Variants in CCDC85C observed in about 807,000 individuals in gnomAD.
The protein encoded by CCDC85C is coiled-coil domain-containing protein 85C.
In CCDC85C, 18 loss-of-function variants were observed where a neutral mutation model predicts 38.3. The observed-to-expected ratio is 0.47, with a 90% CI of 0.33 to 0.70. The LOEUF (loss-of-function observed/expected upper bound fraction) is 0.70, where lower values mean the gene tolerates loss of function less well. Ranked by LOEUF, CCDC85C falls within the 30% of genes least tolerant of loss-of-function variation. The pLI is 0.03. For synonymous variants in CCDC85C, 264 were observed against 293.8 expected, an observed-to-expected ratio of 0.90 and a Z score of 1.04; for missense variants, 566 against 621.2, an observed-to-expected ratio of 0.91 and a Z score of 0.94.
At position 99,572,360 on chromosome 14, in the gene CCDC85C, C is replaced by A. The variant is rs949284545; in HGVS notation, c.793+30807G>T. The stretch of plus-strand genomic sequence containing the variant: ...AAGCTGTGGCATGTGGCCTTCCTCA[C>A]GGGACACTGCGGGCGCTGCGGGCTA... On this transcript the variant is annotated intron_variant, in intron 1 of 5. Coordinates refer to ENST00000380243, the MANE Select transcript of CCDC85C (RefSeq NM_001144995.2). This position sits in a 1 kb window ranked among gnomAD's most constrained non-coding sequence, Gnocchi z 4.4. 6.6e-6 allele frequency among the ~76,000 whole-genome samples: 1 copy of A among 152,192 alleles called. No homozygotes were observed. Among genetic ancestry groups the A allele is most frequent in the Admixed American group, 6.5e-5 (1 of 15,274 alleles).
At chr14:99,594,025 T>TGGGGGCG (rs2055117337) in intron 1 of CCDC85C, among the ~76,000 whole-genome samples, 2 of 26,628 alleles carry the variant, frequency 7.5e-5, no homozygotes, top group Non-Finnish European at 5.5e-4. Context: ...TTGCTGGGGG[T>TGGGGGCG]GGGGGCGGGG....
chr14:99,546,669 A>C (rs1038782657), intron 1 of CCDC85C, among the ~76,000 whole-genome samples: 2 of 152,158 alleles, frequency 1.3e-5, no homozygotes, highest in African/African-American at 4.8e-5. Context: ...GAAAGATAAC[A>C]TAGCCACGTG....
rs775308532 is a variant in CCDC85C, at chr14:99,502,804, A to G, written c.*12442T>C. The G allele has an allele frequency of 3.1e-6, 5 of 1,613,448 alleles. No individual in the cohort carries two copies. Among genetic ancestry groups the G allele is most frequent in the East Asian group, 2.2e-5 (1 of 44,876 alleles). On this transcript the variant is annotated 3_prime_UTR_variant, in exon 6 of 6. Transcript: ENST00000380243. ...CCCCCCATCAGCTGCAACAGCCCCC[A>G]TCTCTTCAGCCTACACCACAAGTGC...
At chr14:99,587,657 G>C (rs1348186618) in intron 1 of CCDC85C, among the ~76,000 whole-genome samples, 1 of 152,162 alleles carries the variant, frequency 6.6e-6, no homozygotes, top group Non-Finnish European at 1.5e-5. Context: ...CCTGGCGTGG[G>C]GGAGAGGCCT....
intron 1 of CCDC85C, among the ~76,000 whole-genome samples, chr14:99,561,039 C>G (rs941565): frequency 1.9e-4 from 29 of 152,046 alleles, no homozygotes; most frequent in Non-Finnish European, 4.3e-4. Flanking sequence ...CAGGGCAGGG[C>G]TGCATTTGCA....
Position 99,510,063 on chromosome 14 carries a change from C to A in CCDC85C, c.*5183G>T. 7.7e-7 allele frequency: 1 copy of A among 1,296,404 alleles called. No individual in the cohort carries two copies. Among genetic ancestry groups the A allele is most frequent in the Non-Finnish European group, 1.0e-6 (1 of 958,962 alleles). The allele number at this position is 1,296,404 out of a possible 1,614,324, so 80.3% of individuals were successfully genotyped here. On this transcript the variant is annotated 3_prime_UTR_variant, in exon 6 of 6. Coordinates refer to ENST00000380243, the MANE Select transcript of CCDC85C (RefSeq NM_001144995.2). ...AGAGGAGGCGGGCAGCTGCTCCCTG[C>A]TCCTCTGTAAAGATGGCCCTGAAGG...
intron 1 of CCDC85C, among the ~76,000 whole-genome samples, chr14:99,578,945 C>T (rs1299598951): frequency 6.6e-6 from 1 of 152,228 alleles, no homozygotes; most frequent in East Asian, 1.9e-4. Flanking sequence ...TGCCCCACCT[C>T]CATCCACAAG....
At position 99,569,997 on chromosome 14, in the gene CCDC85C, G is replaced by A. The variant is rs1026932065; in HGVS notation, c.793+33170C>T. 3.9e-5 allele frequency among the ~76,000 whole-genome samples: 6 copies of A among 151,908 alleles called. No homozygotes were observed. Among genetic ancestry groups the A allele is most frequent in the Non-Finnish European group, 5.9e-5 (4 of 67,952 alleles). On this transcript the variant is annotated intron_variant, in intron 1 of 5. Transcript: ENST00000380243. This position sits in a 1 kb window ranked among gnomAD's most constrained non-coding sequence, Gnocchi z 4.3. Reference sequence around the variant, plus strand: ...GAAAGAGCCTGAGCTCAGGCCCAGCGTTACCCTGAGTGGTTCACAGGTAGG... The same window carrying A: ...GAAAGAGCCTGAGCTCAGGCCCAGCATTACCCTGAGTGGTTCACAGGTAGG...
intron 3 of CCDC85C, among the ~76,000 whole-genome samples, chr14:99,521,458 G>C (rs377278826): frequency 6.6e-6 from 1 of 152,156 alleles, no homozygotes; most frequent in Non-Finnish European, 1.5e-5. Flanking sequence ...TGCTACAAGC[G>C]CACGTGCTGC....
intron 2 of CCDC85C, among the ~76,000 whole-genome samples, chr14:99,527,901 C>A (rs1216775838): frequency 6.6e-6 from 1 of 152,188 alleles, no homozygotes; most frequent in Non-Finnish European, 1.5e-5. Flanking sequence ...GGCGGGAGGA[C>A]CCCGGGCACC....
chr14:99,566,165 A>G (rs1404431431), intron 1 of CCDC85C, among the ~76,000 whole-genome samples: 1 of 152,218 alleles, frequency 6.6e-6, no homozygotes, highest in African/African-American at 2.4e-5. Flanking sequence ...ATGCTACTTG[A>G]AAAGGAAACT....
intron 3 of CCDC85C, among the ~76,000 whole-genome samples, chr14:99,519,319 G>C (rs1271429079): frequency 7.4e-6 from 1 of 135,272 alleles, no homozygotes. Flanking sequence ...GTTTCATCAT[G>C]TTGCCCAGGC....
At chr14:99,595,436 G>A (rs1403055681) in intron 1 of CCDC85C, among the ~76,000 whole-genome samples, 1 of 152,120 alleles carries the variant, frequency 6.6e-6, no homozygotes, top group Admixed American at 6.5e-5. Flanking sequence ...TAGTAGAGAT[G>A]GGGTTTCACT....
At chr14:99,539,726 A>G (rs1444134180) in intron 1 of CCDC85C, among the ~76,000 whole-genome samples, 1 of 152,258 alleles carries the variant, frequency 6.6e-6, no homozygotes, top group East Asian at 1.9e-4. Flanking sequence ...TCAGGAAGGA[A>G]GTCCACAGAA....
At chr14:99,551,694 T>C (rs1288797321) in intron 1 of CCDC85C, among the ~76,000 whole-genome samples, 1 of 143,178 alleles carries the variant, frequency 7.0e-6, no homozygotes, top group African/African-American at 2.6e-5. Context: ...GAGAGGTGAG[T>C]GTGCAGGTGG....
At chr14:99,561,639 C>A (rs1898119169) in intron 1 of CCDC85C, among the ~76,000 whole-genome samples, 1 of 152,186 alleles carries the variant, frequency 6.6e-6, no homozygotes, top group African/African-American at 2.4e-5. Context: ...GCAGACCCTC[C>A]ATTTCTCAGT....
intron 1 of CCDC85C, among the ~76,000 whole-genome samples, chr14:99,590,363 G>A (rs1012791866): frequency 6.6e-6 from 1 of 152,212 alleles, no homozygotes; most frequent in African/African-American, 2.4e-5. Context: ...AGCTGGAGCA[G>A]GCAGAGGCAT....
At chr14:99,591,048 G>A (rs765312162) in intron 1 of CCDC85C, among the ~76,000 whole-genome samples, 9 of 152,206 alleles carry the variant, frequency 5.9e-5, no homozygotes, top group Non-Finnish European at 1.2e-4. Context: ...GCAGCACAGA[G>A]GACAGGAGGG....
At position 99,603,749 on chromosome 14, in the gene CCDC85C, T is replaced by G; in HGVS notation, c.211A>C (p.Lys71Gln). The change falls in exon 1 of 6, where the codon AAG (lysine) becomes CAG (glutamine). Residue 71 changes from lysine (K) to glutamine (Q), a missense_variant. Lys to Gln is a moderately conservative substitution (Grantham distance 53). This residue lies in a region of CCDC85C where 269 missense variants were observed against 308.2 expected (regional missense o/e 0.87). Transcript: ENST00000380243. The surrounding 1 kb of genome is among the most constrained non-coding windows in gnomAD (Gnocchi z 7.5). Reference sequence around the variant, plus strand: ...TCCTGCAGCCGCTGGTTCACGTCCTTGAGGCCGCGGATCTCCAGCAGGTGC... The same window carrying G: ...TCCTGCAGCCGCTGGTTCACGTCCTGGAGGCCGCGGATCTCCAGCAGGTGC... Reference protein sequence around the residue: ...QQHLLEIRGLKDVNQRLQDDN... With the variant: ...QQHLLEIRGLQDVNQRLQDDN... The G allele has an allele frequency of 6.6e-7, 1 of 1,524,042 alleles. No individual in the cohort carries two copies. The highest frequency in any genetic ancestry group is 8.8e-7 in the Non-Finnish European group (1 of 1,141,648). The allele number at this position is 1,524,042 out of a possible 1,614,324, so 94.4% of individuals were successfully genotyped here.
Sources: gnomAD v4.1 joint callset for allele counts (sites outside exome capture counted in the v4.1 genomes callset) on GRCh38, gnomAD v4.1.1 for gene constraint, gnomAD v4.1.1 regional missense constraint, Gnocchi (gnomAD v3.1) non-coding constraint, MANE v1.5 for transcripts, NCBI Gene and HGNC (gene_info 2026-07-23, HGNC 2026-07-21) for gene names.